Variants in MTOR observed in about 807,000 individuals in gnomAD.
MTOR encodes mechanistic target of rapamycin kinase.
Under a neutral mutation model 319.8 loss-of-function variants are expected in MTOR, and 70 were observed. That is an observed-to-expected ratio of 0.22 (90% CI 0.18 to 0.27). The LOEUF (loss-of-function observed/expected upper bound fraction) is 0.27. Ranked by LOEUF, MTOR falls within the 10% of genes least tolerant of loss-of-function variation. The pLI, the probability that MTOR is intolerant of heterozygous loss-of-function variation, is 1.00. For synonymous variants in MTOR, 1,183 were observed against 1,211.4 expected (o/e 0.98, Z 0.49); for missense variants, 1,890 against 3,274.4 (o/e 0.58, Z 10.32).
intron 29 of MTOR, 98 bp from the exon 30 acceptor site, chr1:11,157,389 A>G (rs916384945): frequency 7.2e-6 from 10 of 1,393,046 alleles, no homozygotes; most frequent in African/African-American, 2.9e-5. Context: ...TGCTGTACGC[A>G]TGACACTTCA....
chr1:11,260,791 T>A (rs1651012219), intron 1 of MTOR, among the ~76,000 whole-genome samples: 1 of 136,866 alleles, frequency 7.3e-6, no homozygotes, highest in South Asian at 2.3e-4. Context: ...GGACTAGTCA[T>A]TTTTTTTTTT....
intron 8 of MTOR, among the ~76,000 whole-genome samples, chr1:11,244,503 C>T (rs1265666238): frequency 6.8e-6 from 1 of 147,672 alleles, no homozygotes; most frequent in Non-Finnish European, 1.5e-5. Flanking sequence ...CATGGTAGTG[C>T]GCCTGTAATC....
At chr1:11,246,170 C>G (rs188900707) in intron 8 of MTOR, among the ~76,000 whole-genome samples, 2 of 152,310 alleles carry the variant, frequency 1.3e-5, no homozygotes, top group East Asian at 3.9e-4. Context: ...ACAACCTTGA[C>G]TAACCTTAAA....
intron 28 of MTOR, among the ~76,000 whole-genome samples, chr1:11,170,063 G>T (rs559804895): frequency 1.3e-5 from 2 of 152,296 alleles, no homozygotes; most frequent in Non-Finnish European, 1.5e-5. Context: ...GGTGCTTCTT[G>T]AGCTGGTACT....
At chr1:11,186,855 G>A (rs2100689195) in intron 28 of MTOR, among the ~76,000 whole-genome samples, 1 of 148,930 alleles carries the variant, frequency 6.7e-6, no homozygotes. Context: ...CAAAACTGGA[G>A]GGGGGGTGAG....
At chr1:11,146,908 C>T in intron 31 of MTOR, 117 bp from the exon 32 acceptor site, 1 of 710,462 alleles carries the variant, frequency 1.4e-6, no homozygotes, top group South Asian at 1.7e-5. Flanking sequence ...ATAAACAAGA[C>T]AAATAAACTT....
rs536881962 is a variant in MTOR, at chr1:11,237,921, C to T, written c.2130G>A (p.Leu710=). The change falls in exon 13 of 58, where the codon CTG becomes CTA. Residue 710 remains leucine (L), a synonymous_variant. Transcript: ENST00000361445. ...LNDQVFEIRE[L]AICTVGRLSS... ...TGAGTCGGCCCACAGTGCAGATGGC[C>T]AGCTCCCGGATCTCAAACACCTGGT... is the stretch of plus-strand genomic sequence containing the variant. The T allele has an allele frequency of 1.5e-5, 24 of 1,614,144 alleles. No homozygotes were observed. The East Asian group carries it at 3.8e-4, about 25-fold the overall frequency.
chr1:11,252,076 G>A (rs942070971), intron 6 of MTOR, among the ~76,000 whole-genome samples: 1 of 152,038 alleles, frequency 6.6e-6, no homozygotes, highest in Non-Finnish European at 1.5e-5. Context: ...GACCCACTGC[G>A]ATACCAAAAT....
In MTOR at chr1:11,212,818, C is replaced by T; in HGVS notation, c.3376G>A (p.Glu1126Lys). 5 of 1,614,088 alleles carry T rather than the reference C, an allele frequency of 3.1e-6. No homozygotes were observed. Among genetic ancestry groups the T allele is most frequent in the Non-Finnish European group, 4.2e-6 (5 of 1,179,968 alleles). The change falls in exon 22 of 58, where the codon GAA (glutamate) becomes AAA (lysine). Residue 1126 changes from glutamate to lysine, a missense_variant. Glu to Lys is a moderately conservative substitution (Grantham distance 56). Coordinates refer to ENST00000361445, the MANE Select transcript of MTOR (RefSeq NM_004958.4). This position sits in a 1 kb window ranked among gnomAD's most constrained non-coding sequence, Gnocchi z 4.1. The stretch of plus-strand genomic sequence containing the variant: ...CACTTTCGAGATGGCAGTGGAGCTT[C>T]AGGGGCATCAAACAACTTAACAATA... ...PPIVKLFDAP[E>K]APLPSRKAAL...
intron 30 of MTOR, among the ~76,000 whole-genome samples, chr1:11,152,640 G>C (rs12129467): frequency 0.057 from 8,601 of 152,178 alleles, 320 homozygotes; most frequent in Non-Finnish European, 0.091. Flanking sequence ...GGGTTGCCTA[G>C]CTCTCACAGC....
At chr1:11,168,425 T>C (rs1190042288) in intron 28 of MTOR, among the ~76,000 whole-genome samples, 1 of 152,162 alleles carries the variant, frequency 6.6e-6, no homozygotes, top group Non-Finnish European at 1.5e-5. Flanking sequence ...CATCAGACTC[T>C]GTGAGTGACA....
intron 10 of MTOR, among the ~76,000 whole-genome samples, chr1:11,241,320 C>CAAAA (rs750527139): frequency 7.6e-5 from 4 of 52,948 alleles, no homozygotes; most frequent in South Asian, 5.5e-4. Flanking sequence ...GACCCCTTCT[C>CAAAA]AAAAAAAAAA....
chr1:11,145,462 C>T (rs1271891142), intron 32 of MTOR, among the ~76,000 whole-genome samples: 1 of 152,082 alleles, frequency 6.6e-6, no homozygotes, highest in Non-Finnish European at 1.5e-5. Flanking sequence ...CTGCAGTCTC[C>T]ACCTCCCGGG....
At position 11,126,604 on chromosome 1, in the gene MTOR, G is replaced by A. The variant is rs781539855; in HGVS notation, c.6526+18C>T. ...TAGGAGGGAGAAGTGGGTGACAGAAGTGCACAATGGTCCTTACCCATAAGT... is the reference window on the plus strand; with the variant it reads ...TAGGAGGGAGAAGTGGGTGACAGAAATGCACAATGGTCCTTACCCATAAGT... On this transcript the variant is annotated intron_variant, in intron 46 of 57. Transcript: ENST00000361445. 3.1e-6 allele frequency: 5 copies of A among 1,611,574 alleles called. No homozygotes were observed. Among genetic ancestry groups the A allele is most frequent in the Admixed American group, 1.7e-5 (1 of 59,890 alleles).
chr1:11,119,502 C>T (rs1168106975), intron 49 of MTOR, among the ~76,000 whole-genome samples: 2 of 135,514 alleles, frequency 1.5e-5, no homozygotes, highest in African/African-American at 5.5e-5. Flanking sequence ...ACCCGGGAGG[C>T]GGAGCTTGCA....
rs201801098 is a variant in MTOR at position 11,119,788 on chromosome 1, A to C, written c.6933+1458T>G. On this transcript the variant is annotated intron_variant, in intron 49 of 57. Coordinates refer to ENST00000361445, the MANE Select transcript of MTOR (RefSeq NM_004958.4). Reference sequence around the variant, plus strand: ...CAAAACACACAAACAAACAAACAAAAAAAACAAAAACAAACCAAAGGAAGA... The same window carrying C: ...CAAAACACACAAACAAACAAACAAACAAAACAAAAACAAACCAAAGGAAGA... Among the ~76,000 whole-genome samples the C allele has an allele frequency of 2.8e-4, 43 of 151,484 alleles. No homozygotes were observed. The East Asian group carries it at 5.2e-3, about 18-fold the overall frequency.
At chr1:11,124,437 C>A (rs2100380272) in intron 47 of MTOR, 61 bp downstream of exon 47, 1 of 1,577,588 alleles carries the variant, frequency 6.3e-7, no homozygotes, top group Non-Finnish European at 8.7e-7. Flanking sequence ...CTACACGAGA[C>A]AAATGTAGGA....
intron 2 of MTOR, 82 bp from the exon 3 acceptor site, chr1:11,258,675 G>A: frequency 1.0e-6 from 1 of 987,940 alleles, no homozygotes; most frequent in Admixed American, 2.0e-5. Flanking sequence ...CTAAAGATTA[G>A]ATCCTGAGAG....
At chr1:11,193,054 T>C (rs1645612611) in intron 28 of MTOR, among the ~76,000 whole-genome samples, 2 of 152,132 alleles carry the variant, frequency 1.3e-5, no homozygotes, top group African/African-American at 4.8e-5. Flanking sequence ...GGCTCACACC[T>C]GTAATCCCAA....
Sources: allele counts gnomAD v4.1 joint callset (sites outside exome capture counted in the v4.1 genomes callset), GRCh38; gene constraint gnomAD v4.1.1; non-coding constraint Gnocchi (gnomAD v3.1); transcripts MANE v1.5; gene names NCBI Gene and HGNC (gene_info 2026-07-23, HGNC 2026-07-21).